RBFOX3: variants seen among roughly 807,000 people sequenced by gnomAD.
RBFOX3 encodes the protein RNA binding fox-1 homolog 3.
Under a neutral mutation model 48.7 loss-of-function variants are expected in RBFOX3, and 17 were observed. The observed-to-expected ratio is 0.35, with a 90% CI of 0.24 to 0.52. RBFOX3 has a LOEUF of 0.52. Among genes scored for constraint, RBFOX3 ranks in the 20% least tolerant of loss-of-function variants. RBFOX3 has a pLI of 0.94. For missense variants in RBFOX3, 382 were observed against 497.5 expected, an observed-to-expected ratio of 0.77 and a Z score of 2.21; for synonymous variants, 212 against 209.5, an observed-to-expected ratio of 1.01 and a Z score of -0.10.
intron 1 of RBFOX3, among the ~76,000 whole-genome samples, chr17:79,555,304 AT>A (rs2091545503): frequency 8.6e-5 from 3 of 34,698 alleles, no homozygotes; most frequent in Non-Finnish European, 6.5e-5. Flanking sequence ...GGTGGTGATG[AT>A]GGTAGTTGTG....
chr17:79,161,154 G>A (rs2046899079), intron 4 of RBFOX3, among the ~76,000 whole-genome samples: 1 of 152,114 alleles, frequency 6.6e-6, no homozygotes, highest in African/African-American at 2.4e-5. Flanking sequence ...GCCTGGTTAT[G>A]GTGGGGTCAT....
chr17:79,399,880 C>T (rs1030081320), intron 2 of RBFOX3, among the ~76,000 whole-genome samples: 1 of 152,224 alleles, frequency 6.6e-6, no homozygotes, highest in African/African-American at 2.4e-5. Context: ...CCTTAACTGG[C>T]TAGTGCAGGA....
At chr17:79,107,433 A>G (rs2077592468) in intron 5 of RBFOX3, among the ~76,000 whole-genome samples, 1 of 152,150 alleles carries the variant, frequency 6.6e-6, no homozygotes, top group Non-Finnish European at 1.5e-5. Context: ...TGGGCTCCCA[A>G]AGACTTGGGT....
rs2076778354 is a variant in RBFOX3 at position 79,311,025 on chromosome 17, T to G, written c.-174-3201A>C. Among the ~76,000 whole-genome samples, 1 of 152,154 alleles carries G rather than the reference T, an allele frequency of 6.6e-6. No homozygotes were observed. The highest frequency in any genetic ancestry group is 2.4e-5 in the African/African-American group (1 of 41,424). ...ATTGATTTCAGCACAGGATATGGCCTTTCTTAATGTGGGTGGGTGGGCTTC... is the reference window on the plus strand; with the variant it reads ...ATTGATTTCAGCACAGGATATGGCCGTTCTTAATGTGGGTGGGTGGGCTTC... On this transcript the variant is annotated intron_variant, in intron 2 of 14. Coordinates refer to ENST00000693108, the MANE Select transcript of RBFOX3 (RefSeq NM_001350451.2). The surrounding 1 kb of genome is among the most constrained non-coding windows in gnomAD (Gnocchi z 4.2).
chr17:79,480,833 C>T lies in RBFOX3; in HGVS notation c.-175+1621G>A, dbSNP rs912424647. On this transcript the variant is annotated intron_variant, in intron 2 of 14. Transcript: ENST00000693108. The surrounding 1 kb of genome is among the most constrained non-coding windows in gnomAD (Gnocchi z 4.8). The stretch of plus-strand genomic sequence containing the variant: ...TCTTAATGCACTGCATTTATCTTCA[C>T]AGCGTTATGGCGCCTGACATACATT... Among the ~76,000 whole-genome samples, 28 of 152,226 alleles carry T rather than the reference C, an allele frequency of 1.8e-4. No individual in the cohort carries two copies. The highest frequency in any genetic ancestry group is 6.8e-4 in the African/African-American group (28 of 41,456).
chr17:79,611,316 G>A (rs1027112765), upstream of RBFOX3, among the ~76,000 whole-genome samples: 908 of 151,506 alleles, frequency 6.0e-3, 17 homozygotes, highest in East Asian at 0.024. Context: ...GCGCGGCATG[G>A]GAGGGGGCTC....
chr17:79,460,707 T>TCATTATCAC (rs2075262983), intron 2 of RBFOX3, among the ~76,000 whole-genome samples: 1 of 152,190 alleles, frequency 6.6e-6, no homozygotes, highest in Non-Finnish European at 1.5e-5. Flanking sequence ...GGGAGTGGGT[T>TCATTATCAC]CATTATCACG....
chr17:79,153,672 T>C (rs894893879), intron 4 of RBFOX3, among the ~76,000 whole-genome samples: 2 of 152,194 alleles, frequency 1.3e-5, no homozygotes, highest in Admixed American at 6.5e-5. Flanking sequence ...TGCACGGACA[T>C]TATACACACA....
rs572462051 is a variant in RBFOX3, at chr17:79,452,633, G to A, written c.-175+29821C>T. 3.4e-4 allele frequency among the ~76,000 whole-genome samples: 52 copies of A among 152,282 alleles called. 1 individual carries two copies. The highest frequency in any genetic ancestry group is 1.0e-3 in the African/African-American group (43 of 41,568). The stretch of plus-strand genomic sequence containing the variant: ...TCAGGGGAGAATGGGGTCACAGAGC[G>A]GAGAGGGGAGGCTCCAGGAAGAAAG... On this transcript the variant is annotated intron_variant, in intron 2 of 14. Coordinates refer to ENST00000693108, the MANE Select transcript of RBFOX3 (RefSeq NM_001350451.2).
At position 79,156,755 on chromosome 17, in the gene RBFOX3, G is replaced by T. The variant is rs566086301; in HGVS notation, c.-33-41007C>A. Among the ~76,000 whole-genome samples the T allele has an allele frequency of 3.8e-4, 58 of 152,306 alleles. 1 individual carries two copies. The South Asian group carries it at 0.011, about 29-fold the overall frequency. On this transcript the variant is annotated intron_variant, in intron 4 of 14. Transcript: ENST00000693108. ...ACTAGCCCAGGTGCTGTCTGGCCTC[G>T]TACGGACTGGGCTGGCTGGCCGGCC...
In RBFOX3 at chr17:79,139,754, C is replaced by T. The variant is rs537538744; in HGVS notation, c.-33-24006G>A. Among the ~76,000 whole-genome samples, 6 of 152,282 alleles carry T rather than the reference C, an allele frequency of 3.9e-5. No homozygotes were observed. In the South Asian group the frequency reaches 1.2e-3, roughly 32 times the overall value. On this transcript the variant is annotated intron_variant, in intron 4 of 14. Transcript: ENST00000693108. Reference sequence around the variant, plus strand: ...CAAAGGCAGAAATGGGCCCTTCTGCCGCTAGGGATCAGCCAGGAGTGGCTG... The same window carrying T: ...CAAAGGCAGAAATGGGCCCTTCTGCTGCTAGGGATCAGCCAGGAGTGGCTG...
chr17:79,521,760 T>C (rs2149998625), intron 1 of RBFOX3, among the ~76,000 whole-genome samples: 1 of 152,220 alleles, frequency 6.6e-6, no homozygotes, highest in Admixed American at 6.5e-5. Flanking sequence ...CACAAATACA[T>C]AGACGCACAC....
intron 1 of RBFOX3, among the ~76,000 whole-genome samples, chr17:79,534,244 C>T (rs577029512): frequency 5.3e-5 from 8 of 152,222 alleles, no homozygotes; most frequent in Non-Finnish European, 8.8e-5. Context: ...TCACCCATAG[C>T]TGGTGACGGC....
At chr17:79,307,448 C>T (rs933024373) in intron 3 of RBFOX3, among the ~76,000 whole-genome samples, 1 of 152,250 alleles carries the variant, frequency 6.6e-6, no homozygotes, top group Non-Finnish European at 1.5e-5. Context: ...TATCTACTTA[C>T]CTCCCTTGCT....
Position 79,535,555 on chromosome 17 carries a change from C to T in RBFOX3, c.-319-52957G>A, listed in dbSNP as rs1026560073. ...GATGATCCACAGGCTGGAAGGGGCCCGGCTACCCCTCAAAGTTTCCTGGGC... is the reference window on the plus strand; with the variant it reads ...GATGATCCACAGGCTGGAAGGGGCCTGGCTACCCCTCAAAGTTTCCTGGGC... On this transcript the variant is annotated intron_variant, in intron 1 of 14. Transcript: ENST00000693108. This position sits in a 1 kb window ranked among gnomAD's most constrained non-coding sequence, Gnocchi z 4.5. Among the ~76,000 whole-genome samples the T allele has an allele frequency of 8.5e-5, 13 of 152,308 alleles. No individual in the cohort carries two copies. Among genetic ancestry groups the T allele is most frequent in the Middle Eastern group, 3.4e-3 (1 of 294 alleles).
intron 2 of RBFOX3, among the ~76,000 whole-genome samples, chr17:79,437,854 A>G (rs2069867186): frequency 6.6e-6 from 1 of 152,236 alleles, no homozygotes; most frequent in African/African-American, 2.4e-5. Flanking sequence ...TGCCTGACAT[A>G]CATGCCCTTC....
chr17:79,302,451 G>A (rs1002584355), intron 3 of RBFOX3, among the ~76,000 whole-genome samples: 2 of 152,114 alleles, frequency 1.3e-5, no homozygotes, highest in Admixed American at 1.3e-4. Flanking sequence ...AGGCCGAGGC[G>A]GGTGGATCAC....
intron 4 of RBFOX3, among the ~76,000 whole-genome samples, chr17:79,207,667 G>A (rs556719375): frequency 6.6e-6 from 1 of 152,314 alleles, no homozygotes; most frequent in African/African-American, 2.4e-5. Flanking sequence ...GCGGGCCTAA[G>A]CTCCCTTCCC....
chr17:79,457,250 A>C (rs4503833), intron 2 of RBFOX3, among the ~76,000 whole-genome samples: 83,710 of 151,988 alleles, frequency 0.55, 23,348 homozygotes, highest in Middle Eastern at 0.61. Context: ...GCCTCATGGC[A>C]TGGCCTCGGG....
Sources: gnomAD v4.1 joint callset for allele counts (sites outside exome capture counted in the v4.1 genomes callset) on GRCh38, gnomAD v4.1.1 for gene constraint, Gnocchi (gnomAD v3.1) non-coding constraint, MANE v1.5 for transcripts, NCBI Gene and HGNC (gene_info 2026-07-23, HGNC 2026-07-21) for gene names.